The following WDR19 variants were observed in gnomAD, a reference collection of about 807,000 sequenced individuals.
The protein encoded by WDR19 is WD repeat-containing protein 19.
WDR19 carries 121 observed loss-of-function variants against 180.0 expected under a neutral mutation model. The observed-to-expected ratio is 0.67, with a 90% CI of 0.58 to 0.78. The LOEUF is 0.78. WDR19 is among the 30% of genes least tolerant of loss of function. The pLI, the probability that WDR19 is intolerant of heterozygous loss-of-function variation, is 0.00. For missense variants in WDR19, 1,450 were observed against 1,640.7 expected, an observed-to-expected ratio of 0.88 and a Z score of 2.01; for synonymous variants, 497 against 540.7, an observed-to-expected ratio of 0.92 and a Z score of 1.12.
In WDR19 at chr4:39,278,627, C is replaced by G. The variant is rs1290363348; in HGVS notation, c.4006C>G (p.Leu1336Val). 1.2e-6 allele frequency: 2 copies of G among 1,612,290 alleles called. No homozygotes were observed. The highest frequency in any genetic ancestry group is 1.7e-5 in the Admixed American group (1 of 59,858). The stretch of plus-strand genomic sequence containing the variant: ...AAAGATTTCAGACTGTACCCAGTAC[C>G]TGCGAACGGAGGAGGAACTGTGATT... ...LKKISDCTQY[L>V]RTEEEL The change falls in exon 36 of 37, where the codon CTG becomes GTG. Residue 1336 changes from leucine (L) to valine (V), a missense_variant. By Grantham distance (32) the Leu-to-Val change is conservative. Transcript: ENST00000399820.
At chr4:39,200,693 T>C (rs935599253) in intron 6 of WDR19, among the ~76,000 whole-genome samples, 2 of 152,058 alleles carry the variant, frequency 1.3e-5, no homozygotes, top group Non-Finnish European at 2.9e-5. Context: ...ACAGAATCAC[T>C]TTTGCCATAT....
intron 26 of WDR19, among the ~76,000 whole-genome samples, chr4:39,255,146 C>G (rs1036761423): frequency 1.3e-5 from 2 of 152,090 alleles, no homozygotes; most frequent in Non-Finnish European, 2.9e-5. Context: ...ACATTTCTGT[C>G]CTAACATTAC....
rs1375861674 is a variant in WDR19, at chr4:39,253,755, G to A, written c.2877-151G>A. ...GATTGCACCACTGCACTCCTGCCTG[G>A]GTGACAGAGTGTGACTCCATCTCAA... On this transcript the variant is annotated intron_variant, in intron 25 of 36. Coordinates refer to ENST00000399820, the MANE Select transcript of WDR19 (RefSeq NM_025132.4). The A allele has an allele frequency of 4.0e-5, 22 of 555,248 alleles. No homozygotes were observed. In the East Asian group the frequency reaches 4.8e-4, roughly 12 times the overall value. 34.4% of individuals were successfully genotyped at this position (555,248 alleles called of 1,614,324 possible). A position where few individuals can be genotyped will look rare whatever the true frequency, so the allele number is the denominator to read the frequency against.
intron 9 of WDR19, 76 bp downstream of exon 9, chr4:39,205,812 A>G (rs2109301808): frequency 1.5e-6 from 2 of 1,300,982 alleles, no homozygotes; most frequent in Non-Finnish European, 2.1e-6. Context: ...TTTGTTAGCT[A>G]ATATGAATCT....
At chr4:39,254,587 G>A (rs1733569258) in intron 26 of WDR19, among the ~76,000 whole-genome samples, 1 of 151,996 alleles carries the variant, frequency 6.6e-6, no homozygotes, top group African/African-American at 2.4e-5. Context: ...TCATTTCATG[G>A]ACCATACATA....
rs1336547592 is a variant in WDR19 at position 39,252,364 on chromosome 4, G to T, written c.2730-782G>T. Among the ~76,000 whole-genome samples the T allele has an allele frequency of 7.2e-5, 8 of 111,288 alleles. No individual in the cohort carries two copies. The East Asian group carries it at 1.4e-3, about 19-fold the overall frequency. The allele number at this position is 111,288 out of a possible 152,430, so 73.0% of individuals were successfully genotyped here. A position where few individuals can be genotyped will look rare whatever the true frequency, so the allele number is the denominator to read the frequency against. On this transcript the variant is annotated intron_variant, in intron 24 of 36. Transcript: ENST00000399820. The stretch of plus-strand genomic sequence containing the variant: ...CACACACCAGGGCCTGTTGTGGGGT[G>T]GGGGGAGGGGGGAGGGATAGCATTA...
At chr4:39,229,234 C>G (rs1212979398) in intron 17 of WDR19, among the ~76,000 whole-genome samples, 1 of 152,036 alleles carries the variant, frequency 6.6e-6, no homozygotes, top group Non-Finnish European at 1.5e-5. Flanking sequence ...GATTCCATGA[C>G]TTTGCTATTG....
At chr4:39,235,778 A>G (rs1450369260) in intron 20 of WDR19, among the ~76,000 whole-genome samples, 3 of 152,156 alleles carry the variant, frequency 2.0e-5, no homozygotes, top group African/African-American at 7.2e-5. Context: ...GAACTCAAAC[A>G]ACTCAACAAG....
chr4:39,275,066 G>A, intron 33 of WDR19, 108 bp downstream of exon 33: 4 of 1,368,518 alleles, frequency 2.9e-6, no homozygotes, highest in South Asian at 1.2e-5. Context: ...GGGGCCAGGT[G>A]CAGTGGCTCA....
chr4:39,186,632 C>CT, intron 3 of WDR19, 28 bp downstream of exon 3: 1 of 1,472,274 alleles, frequency 6.8e-7, no homozygotes, highest in Non-Finnish European at 9.1e-7. Flanking sequence ...TTTAAAAAAA[C>CT]CTGTCAAGTT....
intron 30 of WDR19, 26 bp downstream of exon 30, chr4:39,268,117 C>T (rs778798586): frequency 1.3e-6 from 2 of 1,537,006 alleles, no homozygotes; most frequent in East Asian, 4.8e-5. Flanking sequence ...GTATGTGTTA[C>T]TTCCCAAGCA....
chr4:39,217,369 A>T, intron 13 of WDR19, 129 bp downstream of exon 13: 1 of 720,938 alleles, frequency 1.4e-6, no homozygotes, highest in Non-Finnish European at 2.3e-6. Flanking sequence ...TGAGTAAAGG[A>T]TTAACAAAAC....
chr4:39,201,211 C>T (rs1166962082), intron 6 of WDR19, among the ~76,000 whole-genome samples: 1 of 152,146 alleles, frequency 6.6e-6, no homozygotes, highest in Non-Finnish European at 1.5e-5. Context: ...GTATTGTACC[C>T]TCATCTGCAT....
At chr4:39,263,965 C>G (rs1734549240) in intron 28 of WDR19, among the ~76,000 whole-genome samples, 1 of 151,906 alleles carries the variant, frequency 6.6e-6, no homozygotes, top group Non-Finnish European at 1.5e-5. Flanking sequence ...AGTGCTGACC[C>G]TAGCAGTGGA....
At position 39,205,685 on chromosome 4, in the gene WDR19, G is replaced by A; in HGVS notation, c.839G>A (p.Ser280Asn). The A allele has an allele frequency of 4.3e-6, 7 of 1,610,998 alleles. No individual in the cohort carries two copies. Among genetic ancestry groups the A allele is most frequent in the Non-Finnish European group, 5.9e-6 (7 of 1,178,388 alleles). Reference sequence around the variant, plus strand: ...CGTAACCATAAAGATAATCTAACCAGCATTGCAGTATCACAGACTCTTAAC... The same window carrying A: ...CGTAACCATAAAGATAATCTAACCAACATTGCAGTATCACAGACTCTTAAC... ...QARNHKDNLT[S>N]IAVSQTLNKV... Residue 280 changes from serine (S) to asparagine (N), a missense_variant, in exon 9 of 37, where the codon AGC becomes AAC. Transcript: ENST00000399820.
intron 29 of WDR19, among the ~76,000 whole-genome samples, chr4:39,266,810 G>A (rs571544236): frequency 3.3e-5 from 5 of 152,336 alleles, no homozygotes; most frequent in Admixed American, 6.5e-5. Context: ...TTGGCCAGGC[G>A]CGGTGTCTCA....
chr4:39,248,377 G>A (rs1242368089), intron 24 of WDR19, among the ~76,000 whole-genome samples: 4 of 152,090 alleles, frequency 2.6e-5, no homozygotes, highest in African/African-American at 7.2e-5. Flanking sequence ...AGGAAGAACC[G>A]GTACCAGCCA....
In WDR19 at chr4:39,218,016, C is replaced by T. The variant is rs201148758; in HGVS notation, c.1390C>T (p.Arg464Cys). The change falls in exon 14 of 37, where the codon CGT becomes TGT. Residue 464 changes from arginine to cysteine, a missense_variant. Transcript: ENST00000399820. ...CGAAATCTTGGATGCTCAAGAAGAA[C>T]GTGAGACTCGGCTTTTCCCAGCAGT... ...ESEILDAQEERETRLFPAVDD... is the reference protein window; with the variant it reads ...ESEILDAQEECETRLFPAVDD... The T allele has an allele frequency of 7.0e-5, 113 of 1,613,736 alleles. No individual in the cohort carries two copies. In the Middle Eastern group the frequency reaches 1.3e-3, roughly 19 times the overall value.
intron 21 of WDR19, 129 bp from the exon 22 acceptor site, chr4:39,244,119 G>A (rs1230328892): frequency 4.5e-6 from 5 of 1,112,784 alleles, no homozygotes; most frequent in South Asian, 3.2e-5. Flanking sequence ...AAAATCATGA[G>A]GCTTCCCTGA....
Sources: allele counts gnomAD v4.1 joint callset (sites outside exome capture counted in the v4.1 genomes callset), GRCh38; gene constraint gnomAD v4.1.1; transcripts MANE v1.5; gene names NCBI Gene and HGNC (gene_info 2026-07-23, HGNC 2026-07-21).